RBPJ: variants seen among roughly 807,000 people sequenced by gnomAD.
The protein encoded by RBPJ is recombination signal binding protein for immunoglobulin kappa J region, also known as recombining binding protein suppressor of hairless.
Under a neutral mutation model 67.8 loss-of-function variants are expected in RBPJ, and 9 were observed. The ratio of observed to expected loss-of-function variants is 0.13; its 90% confidence interval spans 0.08 to 0.23. RBPJ has a LOEUF of 0.23. Among genes scored for constraint, RBPJ ranks in the 10% least tolerant of loss-of-function variants. RBPJ has a pLI of 1.00. For synonymous variants in RBPJ, 198 were observed against 203.3 expected (o/e 0.97, Z 0.22); for missense variants, 305 against 595.6 (o/e 0.51, Z 5.08).
At chr4:26,108,424 G>A in the RBPJ span, among the ~76,000 whole-genome samples, 1 of 152,192 alleles carries the variant, frequency 6.6e-6, no homozygotes, top group Non-Finnish European at 1.5e-5. Context: ...GTCAAAGCCT[G>A]GTGGTTAGGA....
chr4:26,357,404 T>C (rs1727500109), intron 1 of RBPJ, among the ~76,000 whole-genome samples: 1 of 152,212 alleles, frequency 6.6e-6, no homozygotes, highest in Admixed American at 6.5e-5. Flanking sequence ...TTGAATGTTG[T>C]GGCTGTCTGG....
intron 1 of RBPJ, among the ~76,000 whole-genome samples, chr4:26,299,967 G>A (rs1722023204): frequency 6.6e-6 from 1 of 152,070 alleles, no homozygotes; most frequent in African/African-American, 2.4e-5. Flanking sequence ...TTACAGGCGT[G>A]AGCCACCGCG....
At chr4:26,321,013 C>T, upstream of RBPJ, 1 of 1,613,378 alleles carries the variant, frequency 6.2e-7, no homozygotes, top group Non-Finnish European at 8.5e-7. Context: ...GGAGTTTTGG[C>T]GAGAGTTTGT....
intron 1 of RBPJ, among the ~76,000 whole-genome samples, chr4:26,168,448 C>T (rs1331540946): frequency 2.0e-5 from 3 of 152,176 alleles, no homozygotes; most frequent in Non-Finnish European, 2.9e-5. Context: ...ATCTGCTGTT[C>T]GTCTGATGGG....
chr4:26,113,739 C>A, the RBPJ span: 1 of 279,042 alleles, frequency 3.6e-6, no homozygotes, highest in South Asian at 4.9e-5. Context: ...GGAGACAAAC[C>A]CTATAAATGT....
rs73812107 is a variant in RBPJ at position 26,228,993 on chromosome 4, G to A, written c.-167+65379G>A. On this transcript the variant is annotated intron_variant, in intron 1 of 4. Transcript: ENST00000512351. Reference sequence around the variant, plus strand: ...TTAATAAAACAACTATTGGCTGATGGTGCAAGTCACAGGAGCCTTAGAGCT... The same window carrying A: ...TTAATAAAACAACTATTGGCTGATGATGCAAGTCACAGGAGCCTTAGAGCT... 2.8e-3 allele frequency among the ~76,000 whole-genome samples: 427 copies of A among 152,264 alleles called. 4 individuals are homozygous for A. Among genetic ancestry groups the A allele is most frequent in the African/African-American group, 9.8e-3 (409 of 41,554 alleles).
intron 2 of RBPJ, among the ~76,000 whole-genome samples, chr4:26,400,065 A>C (rs1732611415): frequency 6.6e-6 from 1 of 152,152 alleles, no homozygotes; most frequent in African/African-American, 2.4e-5. Flanking sequence ...TAAAGTATTC[A>C]AAAAAACAGT....
intron 1 of RBPJ, among the ~76,000 whole-genome samples, chr4:26,336,851 T>C (rs1034675135): frequency 9.2e-5 from 14 of 152,184 alleles, no homozygotes; most frequent in African/African-American, 3.4e-4. Flanking sequence ...GGTATATTTA[T>C]CCTTTCAAAG....
intron 7 of RBPJ, 96 bp from the exon 8 acceptor site, chr4:26,428,624 A>T (rs1166457917): frequency 2.4e-6 from 2 of 834,174 alleles, no homozygotes; most frequent in Non-Finnish European, 4.0e-6. Context: ...ATGTATTATT[A>T]TGCAGTATAT....
At chr4:26,113,488 CTA>C in the RBPJ span, 8 of 556,108 alleles carry the variant, frequency 1.4e-5, no homozygotes, top group East Asian at 3.3e-4. Flanking sequence ...GAGAAAAGCC[CTA>C]TGACTGTAAG....
chr4:26,317,976 TG>T (rs1271581382), upstream of RBPJ, among the ~76,000 whole-genome samples: 5 of 152,234 alleles, frequency 3.3e-5, no homozygotes, highest in African/African-American at 1.2e-4. Flanking sequence ...CTTCTTGGGA[TG>T]ACAGCTCCAA....
At chr4:26,426,824 A>G (rs139473608) in intron 7 of RBPJ, among the ~76,000 whole-genome samples, 1 of 152,318 alleles carries the variant, frequency 6.6e-6, no homozygotes, top group Non-Finnish European at 1.5e-5. Context: ...TAAAGAAACC[A>G]GTGGAGCTGG....
intron 1 of RBPJ, among the ~76,000 whole-genome samples, chr4:26,361,608 A>G (rs923407917): frequency 6.6e-6 from 1 of 152,074 alleles, no homozygotes; most frequent in Non-Finnish European, 1.5e-5. Flanking sequence ...AATTTGCCTT[A>G]TCAGTCATCT....
At chr4:26,232,838 G>A (rs1050163581) in intron 1 of RBPJ, among the ~76,000 whole-genome samples, 1 of 152,150 alleles carries the variant, frequency 6.6e-6, no homozygotes, top group Non-Finnish European at 1.5e-5. Flanking sequence ...TGAAACCTGT[G>A]TCATAAGACT....
chr4:26,128,361 G>T, the RBPJ span, among the ~76,000 whole-genome samples: 1 of 152,146 alleles, frequency 6.6e-6, no homozygotes, highest in Non-Finnish European at 1.5e-5. Context: ...CAAAGAAAAA[G>T]ACATCACCAT....
At chr4:26,414,418 C>T (rs185577309) in intron 3 of RBPJ, among the ~76,000 whole-genome samples, 1 of 152,300 alleles carries the variant, frequency 6.6e-6, no homozygotes, top group African/African-American at 2.4e-5. Context: ...GTCCGCCTGC[C>T]TCTGCCTCCC....
upstream of RBPJ, among the ~76,000 whole-genome samples, chr4:26,319,435 TC>T (rs1184800362): frequency 3.3e-5 from 5 of 150,944 alleles, 1 homozygote; most frequent in African/African-American, 1.2e-4. Flanking sequence ...CCACGCGCCT[TC>T]CCGCCCCGCC....
chr4:26,211,035 A>G (rs1369529573), intron 1 of RBPJ, among the ~76,000 whole-genome samples: 1 of 152,080 alleles, frequency 6.6e-6, no homozygotes, highest in African/African-American at 2.4e-5. Flanking sequence ...TGCAGAGCAC[A>G]GGTGTATAGA....
At chr4:26,157,700 CT>C in the RBPJ span, among the ~76,000 whole-genome samples, 1 of 152,126 alleles carries the variant, frequency 6.6e-6, no homozygotes, top group Admixed American at 6.5e-5. Flanking sequence ...AACATCTTGA[CT>C]TTAGGCTTGG....
Sources: gnomAD v4.1 joint callset for allele counts (sites outside exome capture counted in the v4.1 genomes callset) on GRCh38, gnomAD v4.1.1 for gene constraint, MANE v1.5 for transcripts, NCBI Gene and HGNC (gene_info 2026-07-23, HGNC 2026-07-21) for gene names.